The following MYRFL variants were observed in gnomAD, a reference collection of about 807,000 sequenced individuals.
MYRFL encodes the protein myelin regulatory factor-like protein.
A neutral mutation model predicts 109.4 loss-of-function variants in MYRFL; 88 were observed. That is an observed-to-expected ratio of 0.80 (90% CI 0.68 to 0.96). The LOEUF (loss-of-function observed/expected upper bound fraction) is 0.96. Among genes scored for constraint, MYRFL ranks in the 40% least tolerant of loss-of-function variants. The pLI is 0.00. For missense variants in MYRFL, 957 were observed against 954.9 expected (o/e 1.00, Z -0.03); for synonymous variants, 324 against 320.9 (o/e 1.01, Z -0.10).
chr12:69,902,224 C>G (rs1954219418), intron 10 of MYRFL, among the ~76,000 whole-genome samples: 1 of 152,124 alleles, frequency 6.6e-6, no homozygotes, highest in Non-Finnish European at 1.5e-5. Flanking sequence ...TATCAAGTAT[C>G]AATGGTTGAG....
At chr12:69,929,211 C>T (rs377374322) in intron 15 of MYRFL, among the ~76,000 whole-genome samples, 12 of 152,162 alleles carry the variant, frequency 7.9e-5, no homozygotes, top group African/African-American at 2.7e-4. Context: ...AGCTGTGGTG[C>T]GGTCCCAGGG....
At chr12:69,956,187 A>AT (rs1956090717) in intron 22 of MYRFL, among the ~76,000 whole-genome samples, 3 of 64,812 alleles carry the variant, frequency 4.6e-5, no homozygotes, top group East Asian at 4.6e-4. Context: ...TTCAGGACAC[A>AT]TAAAAAAAAA....
intron 13 of MYRFL, among the ~76,000 whole-genome samples, chr12:69,924,778 T>C (rs150767150): frequency 9.1e-4 from 138 of 152,318 alleles, no homozygotes; most frequent in African/African-American, 3.1e-3. Flanking sequence ...TTTTTTGTTG[T>C]TGGATTTTTT....
chr12:69,936,466 C>T lies in MYRFL; in HGVS notation c.2058C>T (p.Ser686=), dbSNP rs751930125. ...PTASSSAPNT[S]LVTTPASLQV... ...AATGCCTTGCAGCACCTAATACATC[C>T]CTGGTAACCACACCGGCCTCCTTAC... The change falls in exon 19 of 25, where the codon TCC becomes TCT. Residue 686 remains serine (S), a synonymous_variant. Transcript: ENST00000552032. 7.2e-6 allele frequency: 11 copies of T among 1,535,346 alleles called. No homozygotes were observed. In the South Asian group the frequency reaches 1.3e-4, roughly 18 times the overall value.
chr12:69,911,416 T>G (rs1294915914), intron 13 of MYRFL, among the ~76,000 whole-genome samples: 2 of 152,242 alleles, frequency 1.3e-5, no homozygotes, highest in Non-Finnish European at 2.9e-5. Context: ...TGAGCATAGT[T>G]TTTTTGATGA....
chr12:69,922,288 G>A (rs74743443), intron 13 of MYRFL, among the ~76,000 whole-genome samples: 1 of 152,066 alleles, frequency 6.6e-6, no homozygotes, highest in African/African-American at 2.4e-5. Context: ...CATTTATCAT[G>A]ATTTAGAATC....
At chr12:69,908,370 G>A (rs1220001138) in intron 11 of MYRFL, among the ~76,000 whole-genome samples, 2 of 152,212 alleles carry the variant, frequency 1.3e-5, no homozygotes, top group Non-Finnish European at 2.9e-5. Flanking sequence ...TAAAGCAGAG[G>A]AACTTTGCCT....
chr12:69,949,015 G>A (rs940344195), intron 19 of MYRFL, among the ~76,000 whole-genome samples: 1 of 151,922 alleles, frequency 6.6e-6, no homozygotes, highest in Non-Finnish European at 1.5e-5. Context: ...CATATTCATT[G>A]AGCACCACTG....
intron 1 of MYRFL, among the ~76,000 whole-genome samples, chr12:69,836,543 C>T (rs1322180267): frequency 2.6e-5 from 4 of 152,120 alleles, no homozygotes; most frequent in East Asian, 1.9e-4. Flanking sequence ...TTCCTTGGAA[C>T]GATTTTTCTG....
intron 22 of MYRFL, among the ~76,000 whole-genome samples, chr12:69,956,725 G>A (rs1035331597): frequency 6.6e-6 from 1 of 151,936 alleles, no homozygotes; most frequent in African/African-American, 2.4e-5. Flanking sequence ...TTGCCTCTGT[G>A]AGGAACCAAT....
At chr12:69,936,065 T>G in intron 16 of MYRFL, 48 bp from the exon 17 acceptor site, 1 of 1,465,208 alleles carries the variant, frequency 6.8e-7, no homozygotes, top group African/African-American at 1.5e-5. Flanking sequence ...TGGAAACAAA[T>G]CTGCCACATA....
At chr12:69,952,990 G>A (rs1956017579) in intron 21 of MYRFL, 104 bp downstream of exon 21, 2 of 703,418 alleles carry the variant, frequency 2.8e-6, no homozygotes, top group South Asian at 3.8e-5. Flanking sequence ...TAAAATCAAT[G>A]TGTGCTTACA....
intron 19 of MYRFL, among the ~76,000 whole-genome samples, chr12:69,944,956 G>A (rs1337905281): frequency 6.6e-6 from 1 of 151,272 alleles, no homozygotes; most frequent in Non-Finnish European, 1.5e-5. Flanking sequence ...TTACCATGAT[G>A]TACATTCACT....
Position 69,955,391 on chromosome 12 carries a change from G to A in MYRFL, c.2404G>A (p.Val802Ile), listed in dbSNP as rs1956070132. Residue 802 changes from valine to isoleucine, a missense_variant, in exon 22 of 25, where the codon GTT (valine) becomes ATT (isoleucine). By Grantham distance (29) the Val-to-Ile change is conservative. Coordinates refer to ENST00000552032, the MANE Select transcript of MYRFL (RefSeq NM_182530.3). ...GSGNYNYNIP[V>I]NKHTPTNVKF... is the part of the protein sequence containing the mutation. ...TGGAAATTATAATTACAATATTCCT[G>A]TTAATAAACACACACCCACCAATGT... is the stretch of plus-strand genomic sequence containing the variant. 1 of 660,628 alleles carries A rather than the reference G, an allele frequency of 1.5e-6. No homozygotes were observed. The highest frequency in any genetic ancestry group is 2.8e-5 in the East Asian group (1 of 35,824). The allele number at this position is 660,628 out of a possible 1,614,324, so 40.9% of individuals were successfully genotyped here. A position where few individuals can be genotyped will look rare whatever the true frequency, so the allele number is the denominator to read the frequency against.
At chr12:69,881,667 T>C (rs1251532906) in intron 5 of MYRFL, among the ~76,000 whole-genome samples, 2 of 152,262 alleles carry the variant, frequency 1.3e-5, no homozygotes, top group Non-Finnish European at 2.9e-5. Context: ...AGAATTGCAC[T>C]GGGCATCTAT....
intron 19 of MYRFL, among the ~76,000 whole-genome samples, chr12:69,940,781 G>A (rs1297005870): frequency 2.1e-5 from 3 of 140,338 alleles, no homozygotes; most frequent in South Asian, 2.5e-4. Flanking sequence ...GCTGTATTCA[G>A]GAAACCCATC....
intron 7 of MYRFL, among the ~76,000 whole-genome samples, chr12:69,891,635 CTTTTTCTTTCTT>C (rs760575614): frequency 8.0e-5 from 1 of 12,442 alleles, no homozygotes; most frequent in African/African-American, 2.7e-4. Flanking sequence ...TCCTTCCTTT[CTTTTTCTTTCTT>C]TCTTTCTTTC....
chr12:69,860,210 C>T (rs1209834308), intron 2 of MYRFL, among the ~76,000 whole-genome samples: 1 of 152,142 alleles, frequency 6.6e-6, no homozygotes, highest in East Asian at 1.9e-4. Context: ...GTTTGGTTTT[C>T]CATTTCTGCA....
chr12:69,929,163 T>TAA (rs1391947958), intron 15 of MYRFL, among the ~76,000 whole-genome samples: 1 of 152,094 alleles, frequency 6.6e-6, no homozygotes, highest in African/African-American at 2.4e-5. Flanking sequence ...TAAAAAACAT[T>TAA]AAGTGGCTCA....
Sources: gnomAD v4.1 joint callset for allele counts (sites outside exome capture counted in the v4.1 genomes callset) on GRCh38, gnomAD v4.1.1 for gene constraint, MANE v1.5 for transcripts, NCBI Gene and HGNC (gene_info 2026-07-23, HGNC 2026-07-21) for gene names.